ATP9B: variants seen among roughly 807,000 people sequenced by gnomAD.
The protein encoded by ATP9B is probable phospholipid-transporting ATPase IIB.
A neutral mutation model predicts 146.1 loss-of-function variants in ATP9B; 110 were observed. The ratio of observed to expected loss-of-function variants is 0.75; its 90% CI spans 0.65 to 0.88. ATP9B has a LOEUF of 0.88. Among genes scored for constraint, ATP9B ranks in the 40% least tolerant of loss-of-function variants. The pLI, the probability that ATP9B is intolerant of heterozygous loss-of-function variation, is 0.00. For missense variants in ATP9B, 1,499 were observed against 1,496.4 expected, an observed-to-expected ratio of 1.00 and a Z score of -0.03; for synonymous variants, 604 against 569.7, an observed-to-expected ratio of 1.06 and a Z score of -0.86.
At chr18:79,308,213 A>G (rs1475420791) in intron 15 of ATP9B, among the ~76,000 whole-genome samples, 1 of 152,172 alleles carries the variant, frequency 6.6e-6, no homozygotes, top group South Asian at 2.1e-4. Flanking sequence ...GAGGAACTGG[A>G]ACCTGCATGC....
At chr18:79,235,742 G>A (rs962728576) in intron 11 of ATP9B, among the ~76,000 whole-genome samples, 1 of 151,754 alleles carries the variant, frequency 6.6e-6, no homozygotes, top group Non-Finnish European at 1.5e-5. Flanking sequence ...CAGCTCCCGG[G>A]AGTGTCCCTT....
rs71366506 is a variant in ATP9B at position 79,145,330 on chromosome 18, C to G, written c.726+1470C>G. ...GCATGTCGGGGTTGCTGGCGGTGTG[C>G]AGAGTGACTGAAGGTGCAGGCTGCA... On this transcript the variant is annotated intron_variant, in intron 6 of 29. Transcript: ENST00000426216. The G allele has an allele frequency of 2.0e-3, 221 of 110,686 alleles. 2 individuals carry two copies. Among genetic ancestry groups the G allele is most frequent in the African/African-American group, 8.6e-3 (180 of 20,916 alleles). 6.9% of individuals were successfully genotyped at this position (110,686 alleles called of 1,614,324 possible).
intron 26 of ATP9B, among the ~76,000 whole-genome samples, chr18:79,368,408 T>G (rs913675386): frequency 8.5e-5 from 13 of 152,140 alleles, no homozygotes; most frequent in African/African-American, 2.9e-4. Context: ...AACAGGACTG[T>G]GTTTGCAAAG....
chr18:79,316,554 T>C (rs1188408992), intron 15 of ATP9B, among the ~76,000 whole-genome samples: 6 of 152,192 alleles, frequency 3.9e-5, no homozygotes, highest in Non-Finnish European at 8.8e-5. Context: ...AAGTGGTCTC[T>C]GTGGGAAAGT....
intron 4 of ATP9B, among the ~76,000 whole-genome samples, chr18:79,124,279 C>A (rs1384636673): frequency 1.3e-5 from 2 of 152,164 alleles, no homozygotes; most frequent in Non-Finnish European, 2.9e-5. Context: ...TTGTACAACT[C>A]TGTGAAGGTA....
At chr18:79,171,001 C>G (rs912110964) in intron 7 of ATP9B, among the ~76,000 whole-genome samples, 1 of 152,102 alleles carries the variant, frequency 6.6e-6, no homozygotes, top group African/African-American at 2.4e-5. Flanking sequence ...TCAGAATCTT[C>G]GTAGATTTTC....
chr18:79,341,333 G>A (rs893197536), intron 19 of ATP9B, among the ~76,000 whole-genome samples: 2 of 135,512 alleles, frequency 1.5e-5, no homozygotes, highest in African/African-American at 5.5e-5. Context: ...GCGTGACCTC[G>A]TCGAAGTCTG....
intron 1 of ATP9B, among the ~76,000 whole-genome samples, chr18:79,088,745 T>C (rs915970683): frequency 1.3e-5 from 2 of 152,384 alleles, no homozygotes; most frequent in South Asian, 2.1e-4. Context: ...TATTTATTCA[T>C]GGATACTATG....
intron 17 of ATP9B, among the ~76,000 whole-genome samples, chr18:79,332,167 C>CA (rs2096793725): frequency 6.7e-6 from 1 of 148,182 alleles, no homozygotes; most frequent in African/African-American, 2.4e-5. Context: ...CGGTGGCTTA[C>CA]GCCTGTAATG....
chr18:79,229,180 T>C (rs2095764908), intron 11 of ATP9B, among the ~76,000 whole-genome samples: 1 of 152,198 alleles, frequency 6.6e-6, no homozygotes, highest in Non-Finnish European at 1.5e-5. Flanking sequence ...TAACTCACAC[T>C]AGCATGTTAT....
rs113676805 is a variant in ATP9B, at chr18:79,316,639, G to A, written c.1773+9405G>A. Among the ~76,000 whole-genome samples the A allele has an allele frequency of 2.6e-3, 393 of 152,232 alleles. 4 individuals carry two copies. The highest frequency in any genetic ancestry group is 5.2e-3 in the African/African-American group (216 of 41,532). On this transcript the variant is annotated intron_variant, in intron 15 of 29. Coordinates refer to ENST00000426216, the MANE Select transcript of ATP9B (RefSeq NM_198531.5). Reference sequence around the variant, plus strand: ...CTCAGGACAGCAGCCCCACCGCAGCGCAGCCAACACGTCAGAGAGCACCTG... The same window carrying A: ...CTCAGGACAGCAGCCCCACCGCAGCACAGCCAACACGTCAGAGAGCACCTG...
At chr18:79,280,708 GAA>G (rs1250864057) in intron 13 of ATP9B, among the ~76,000 whole-genome samples, 1 of 151,956 alleles carries the variant, frequency 6.6e-6, no homozygotes, top group East Asian at 1.9e-4. Flanking sequence ...ACATGTATGA[GAA>G]AGTTACACAA....
intron 11 of ATP9B, among the ~76,000 whole-genome samples, chr18:79,227,478 G>A (rs1021552953): frequency 6.6e-5 from 10 of 152,052 alleles, no homozygotes; most frequent in South Asian, 6.2e-4. Context: ...GTGGGTAGAT[G>A]AGTAGGTAAG....
chr18:79,370,960 A>AC (rs1222583867), intron 26 of ATP9B, among the ~76,000 whole-genome samples: 1 of 152,264 alleles, frequency 6.6e-6, no homozygotes, highest in Non-Finnish European at 1.5e-5. Flanking sequence ...GAATTTCGTG[A>AC]CCAAAGACCA....
chr18:79,204,296 T>A (rs937634254), intron 9 of ATP9B, among the ~76,000 whole-genome samples: 3 of 152,212 alleles, frequency 2.0e-5, no homozygotes, highest in Non-Finnish European at 4.4e-5. Context: ...GGAGCTTAAT[T>A]TCATTCCAGT....
rs750081060 is a variant in ATP9B at position 79,185,022 on chromosome 18, C to T, written c.873+8115C>T. Among the ~76,000 whole-genome samples, 37 of 151,660 alleles carry T rather than the reference C, an allele frequency of 2.4e-4. 1 individual carries two copies. Among genetic ancestry groups the T allele is most frequent in the South Asian group, 1.9e-3 (9 of 4,798 alleles). On this transcript the variant is annotated intron_variant, in intron 8 of 29. Transcript: ENST00000426216. Reference sequence around the variant, plus strand: ...AAAAAATCCAGCCAAGCAAGGATGTCGGTACATGTTTCCATTAACATACAA... The same window carrying T: ...AAAAAATCCAGCCAAGCAAGGATGTTGGTACATGTTTCCATTAACATACAA...
chr18:79,264,307 A>T (rs1047002543), intron 12 of ATP9B, among the ~76,000 whole-genome samples: 1 of 152,226 alleles, frequency 6.6e-6, no homozygotes. Flanking sequence ...TAATGAGACT[A>T]AACAATTATG....
At chr18:79,140,295 T>C (rs9950091) in intron 5 of ATP9B, among the ~76,000 whole-genome samples, 37,960 of 152,080 alleles carry the variant, frequency 0.25, 5,067 homozygotes, top group East Asian at 0.5. Flanking sequence ...GATACAAATA[T>C]GATTATCTTC....
chr18:79,169,759 A>G (rs1030352033), intron 7 of ATP9B, among the ~76,000 whole-genome samples: 1 of 152,150 alleles, frequency 6.6e-6, no homozygotes, highest in African/African-American at 2.4e-5. Flanking sequence ...TAGATATATA[A>G]AAGTTTAGTC....
Sources: allele counts gnomAD v4.1 joint callset (sites outside exome capture counted in the v4.1 genomes callset), GRCh38; gene constraint gnomAD v4.1.1; transcripts MANE v1.5; gene names NCBI Gene and HGNC (gene_info 2026-07-23, HGNC 2026-07-21).